TPD52L1: variants seen among roughly 807,000 people sequenced by gnomAD.
TPD52L1 encodes the protein tumor protein D53.
In TPD52L1, 18 loss-of-function variants were observed where a neutral mutation model predicts 28.7. The ratio of observed to expected loss-of-function variants is 0.63; its 90% CI spans 0.43 to 0.93. The LOEUF (loss-of-function observed/expected upper bound fraction) is 0.93. Ranked by LOEUF, TPD52L1 falls within the 40% of genes least tolerant of loss-of-function variation. The probability of loss-of-function intolerance (pLI) is 0.00; values close to 1 mark genes in which losing one functional copy is unlikely to be tolerated. For missense variants in TPD52L1, 203 were observed against 254.8 expected (o/e 0.80, Z 1.39); for synonymous variants, 75 against 88.8 (o/e 0.84, Z 0.88).
chr6:125,241,504 A>G (rs1223925383), intron 3 of TPD52L1, among the ~76,000 whole-genome samples: 1 of 151,866 alleles, frequency 6.6e-6, no homozygotes, highest in Non-Finnish European at 1.5e-5. Context: ...GCTACATATT[A>G]TTGGTCTGTT....
At chr6:125,166,724 G>A (rs534451206) in intron 1 of TPD52L1, among the ~76,000 whole-genome samples, 1 of 150,700 alleles carries the variant, frequency 6.6e-6, no homozygotes, top group African/African-American at 2.4e-5. Context: ...TTTTACTACA[G>A]GAAAGGGAGG....
chr6:125,234,275 C>G (rs975993200), intron 3 of TPD52L1: 7 of 152,218 alleles, frequency 4.6e-5, no homozygotes, highest in African/African-American at 1.7e-4. Flanking sequence ...TTGGGAAGTG[C>G]AGGTCCCTAA....
At chr6:125,207,623 A>G (rs778993067) in intron 1 of TPD52L1, among the ~76,000 whole-genome samples, 3 of 152,240 alleles carry the variant, frequency 2.0e-5, no homozygotes, top group Non-Finnish European at 2.9e-5. Flanking sequence ...CCTATTAGAA[A>G]AGATTCAGAT....
chr6:125,217,452 A>G (rs1794959755), intron 1 of TPD52L1, among the ~76,000 whole-genome samples: 1 of 152,178 alleles, frequency 6.6e-6, no homozygotes, highest in South Asian at 2.1e-4. Flanking sequence ...AGGAGCACGC[A>G]AGCTAGATCC....
At chr6:125,199,303 A>G (rs944199044) in intron 1 of TPD52L1, among the ~76,000 whole-genome samples, 1 of 152,242 alleles carries the variant, frequency 6.6e-6, no homozygotes, top group Admixed American at 6.5e-5. Flanking sequence ...GATTTACTAA[A>G]TAATTATTGA....
At chr6:125,208,174 T>C (rs990017938) in intron 1 of TPD52L1, among the ~76,000 whole-genome samples, 5 of 152,228 alleles carry the variant, frequency 3.3e-5, no homozygotes, top group Non-Finnish European at 5.9e-5. Context: ...TAGATTATTA[T>C]ACTGCTTGGT....
At chr6:125,237,340 G>A (rs559628287) in intron 3 of TPD52L1, among the ~76,000 whole-genome samples, 1 of 152,234 alleles carries the variant, frequency 6.6e-6, no homozygotes, top group Admixed American at 6.5e-5. Flanking sequence ...TGATGATGGC[G>A]GCTTGAACTA....
intron 1 of TPD52L1, among the ~76,000 whole-genome samples, chr6:125,213,017 T>A (rs1794621270): frequency 6.6e-6 from 1 of 152,236 alleles, no homozygotes; most frequent in Non-Finnish European, 1.5e-5. Flanking sequence ...TATATTTTAT[T>A]GCATGTAAAA....
chr6:125,214,483 G>C (rs1196520912), intron 1 of TPD52L1: 2 of 979,320 alleles, frequency 2.0e-6, no homozygotes, highest in Admixed American at 1.2e-4. Context: ...AGATATCTAA[G>C]GGGTATCTAA....
At chr6:125,257,894 C>A (rs1337758137) in intron 6 of TPD52L1, among the ~76,000 whole-genome samples, 1 of 152,130 alleles carries the variant, frequency 6.6e-6, no homozygotes, top group East Asian at 1.9e-4. Context: ...CACTTAATGA[C>A]TTAATTACAT....
intron 6 of TPD52L1, among the ~76,000 whole-genome samples, chr6:125,258,409 A>T (rs892834739): frequency 2.0e-5 from 3 of 152,104 alleles, no homozygotes; most frequent in African/African-American, 7.2e-5. Flanking sequence ...AGAGCATCCA[A>T]TGTTGTGAAC....
intron 2 of TPD52L1, among the ~76,000 whole-genome samples, chr6:125,222,323 C>T (rs1795295083): frequency 6.6e-6 from 1 of 152,138 alleles, no homozygotes; most frequent in Non-Finnish European, 1.5e-5. Flanking sequence ...CTTTATGGGC[C>T]CCTGGTCACA....
chr6:125,241,000 T>C (rs1796580656), intron 3 of TPD52L1, among the ~76,000 whole-genome samples: 1 of 152,130 alleles, frequency 6.6e-6, no homozygotes, highest in South Asian at 2.1e-4. Context: ...AATATGTCCC[T>C]TCTATGCTGA....
At chr6:125,246,308 G>C (rs1311731879) in intron 3 of TPD52L1, among the ~76,000 whole-genome samples, 1 of 152,146 alleles carries the variant, frequency 6.6e-6, no homozygotes, top group Non-Finnish European at 1.5e-5. Flanking sequence ...TAGGAACTCA[G>C]TTTTTCACCC....
rs148544365 is a variant in TPD52L1 at position 125,256,552 on chromosome 6, T to C, written c.426-546T>C. ...ACTTCATGTAAGTTGTCAAAATGAT[T>C]ATTTTTTTAAGGCATGGAAAAGAAA... is the stretch of plus-strand genomic sequence containing the variant. On this transcript the variant is annotated intron_variant, in intron 5 of 6. Coordinates refer to ENST00000534000, the MANE Select transcript of TPD52L1 (RefSeq NM_003287.4). Among the ~76,000 whole-genome samples, 148 of 152,360 alleles carry C rather than the reference T, an allele frequency of 9.7e-4. 1 individual carries two copies. In the East Asian group the frequency reaches 0.015, roughly 15 times the overall value.
chr6:125,216,069 C>G lies in TPD52L1; in HGVS notation c.20-4009C>G, dbSNP rs73771277. ...TGGAGCTTACTTTCTGGGTCTATCT[C>G]TCATAGCTGTGCTTGGAATTGCTGC... is the stretch of plus-strand genomic sequence containing the variant. On this transcript the variant is annotated intron_variant, in intron 1 of 6. Transcript: ENST00000534000. 8.7e-3 allele frequency among the ~76,000 whole-genome samples: 1,325 copies of G among 152,256 alleles called. 24 individuals carry two copies. The highest frequency in any genetic ancestry group is 0.03 in the African/African-American group (1,266 of 41,554).
chr6:125,196,820 G>A (rs507575), intron 1 of TPD52L1, among the ~76,000 whole-genome samples: 24,181 of 152,182 alleles, frequency 0.16, 2,432 homozygotes, highest in African/African-American at 0.27. Context: ...GTATGGAGGT[G>A]AGCGTGAATA....
chr6:125,246,507 C>A (rs1796933137), intron 3 of TPD52L1, among the ~76,000 whole-genome samples: 1 of 152,112 alleles, frequency 6.6e-6, no homozygotes, highest in South Asian at 2.1e-4. Context: ...TTCTGCCTGT[C>A]TCCTTGATAA....
intron 1 of TPD52L1, among the ~76,000 whole-genome samples, chr6:125,198,915 C>G (rs1023124869): frequency 6.6e-6 from 1 of 152,174 alleles, no homozygotes; most frequent in Non-Finnish European, 1.5e-5. Context: ...ATGAGTTCCC[C>G]TACCTGAAAT....
Sources: allele counts gnomAD v4.1 joint callset (sites outside exome capture counted in the v4.1 genomes callset), GRCh38; gene constraint gnomAD v4.1.1; transcripts MANE v1.5; gene names NCBI Gene and HGNC (gene_info 2026-07-23, HGNC 2026-07-21).